Variants in PSD3 observed in about 807,000 individuals in gnomAD.
PSD3 encodes the protein pleckstrin and Sec7 domain containing 3.
In PSD3, 49 loss-of-function variants were observed where a neutral mutation model predicts 105.5. That is an observed-to-expected ratio of 0.46 (90% CI 0.37 to 0.59). The LOEUF (loss-of-function observed/expected upper bound fraction) is 0.59. Ranked by LOEUF, PSD3 falls within the 20% of genes least tolerant of loss-of-function variation. The pLI is 0.00. For missense variants in PSD3, 1,561 were observed against 1,263.8 expected (o/e 1.24, Z -3.57); for synonymous variants, 557 against 457.8 (o/e 1.22, Z -2.77).
chr8:18,715,247 ACCTGCACAT>A lies in PSD3; in HGVS notation c.2172+50193_2172+50201del, dbSNP rs1802510007. On this transcript the variant is annotated intron_variant, in intron 9 of 15. Transcript: ENST00000327040. ...TGGCACACGTTTACCCATGTAACAA[ACCTGCACAT>A]CCTGCACATGTAAAATTAAAAGAAA... 2.0e-5 allele frequency among the ~76,000 whole-genome samples: 3 copies of A among 152,182 alleles called. No homozygotes were observed. The South Asian group carries it at 6.2e-4, about 32-fold the overall frequency.
chr8:18,964,652 C>T (rs1356860670), intron 1 of PSD3, among the ~76,000 whole-genome samples: 2 of 152,124 alleles, frequency 1.3e-5, no homozygotes, highest in Admixed American at 1.3e-4. Flanking sequence ...ATCTCCAAAG[C>T]TGCTGGAATG....
chr8:18,978,844 T>C (rs1255804417), intron 1 of PSD3, among the ~76,000 whole-genome samples: 1 of 152,048 alleles, frequency 6.6e-6, no homozygotes, highest in Non-Finnish European at 1.5e-5. Flanking sequence ...TCAACCTCTC[T>C]CCCTTCCTCT....
chr8:18,857,927 A>G (rs1816147651), intron 4 of PSD3, among the ~76,000 whole-genome samples: 1 of 152,222 alleles, frequency 6.6e-6, no homozygotes, highest in African/African-American at 2.4e-5. Context: ...CATAAGAAAC[A>G]GCATATGAGG....
chr8:18,861,556 C>T (rs372471770), intron 4 of PSD3, among the ~76,000 whole-genome samples: 8 of 152,290 alleles, frequency 5.3e-5, no homozygotes, highest in African/African-American at 1.9e-4. Flanking sequence ...TACCAACCTG[C>T]TGCTTCCCCC....
Position 18,541,157 on chromosome 8 carries a change from GAAA to G in PSD3, c.2929-5202_2929-5200del, listed in dbSNP as rs5889803. The stretch of plus-strand genomic sequence containing the variant: ...CATCTGTCAGCCTTATATTTTACTT[GAAA>G]AAAAAAAAAAAACCTTTTGATTTCC... On this transcript the variant is annotated intron_variant, in intron 15 of 15. Coordinates refer to ENST00000327040, the MANE Select transcript of PSD3 (RefSeq NM_015310.4). Among the ~76,000 whole-genome samples the G allele has an allele frequency of 9.2e-4, 128 of 139,450 alleles. No homozygotes were observed. The South Asian group carries it at 0.011, about 12-fold the overall frequency. The allele number at this position is 139,450 out of a possible 152,430, so 91.5% of individuals were successfully genotyped here.
chr8:18,884,607 G>A (rs921275917), intron 2 of PSD3, among the ~76,000 whole-genome samples: 3 of 150,020 alleles, frequency 2.0e-5, no homozygotes, highest in African/African-American at 7.5e-5. Context: ...TATTTAAGTT[G>A]TTTATGTGTT....
At chr8:18,561,629 A>T (rs1331931264) in intron 14 of PSD3, among the ~76,000 whole-genome samples, 2 of 152,250 alleles carry the variant, frequency 1.3e-5, no homozygotes, top group Non-Finnish European at 2.9e-5. Flanking sequence ...AAAAATTGAT[A>T]TAGCAAAACA....
At chr8:18,908,679 T>C (rs996242629) in intron 2 of PSD3, among the ~76,000 whole-genome samples, 1 of 152,362 alleles carries the variant, frequency 6.6e-6, no homozygotes, top group East Asian at 1.9e-4. Flanking sequence ...ATGAGATTCG[T>C]ACCAATCATT....
At chr8:18,562,529 T>C (rs1236250842) in intron 14 of PSD3, among the ~76,000 whole-genome samples, 1 of 152,194 alleles carries the variant, frequency 6.6e-6, no homozygotes, top group Non-Finnish European at 1.5e-5. Context: ...GGGTCTCCTC[T>C]GCTATAGCTC....
intron 14 of PSD3, among the ~76,000 whole-genome samples, chr8:18,562,761 C>T (rs553788429): frequency 7.2e-5 from 11 of 152,170 alleles, no homozygotes; most frequent in South Asian, 2.1e-4. Flanking sequence ...TGGTGGCATG[C>T]GCCTTTAATT....
chr8:18,969,928 T>G (rs1824525634), intron 1 of PSD3, among the ~76,000 whole-genome samples: 1 of 152,120 alleles, frequency 6.6e-6, no homozygotes, highest in Non-Finnish European at 1.5e-5. Context: ...ACCTATAGCT[T>G]TAAGAATTTT....
chr8:18,941,722 G>C (rs2129469440), intron 1 of PSD3, among the ~76,000 whole-genome samples: 1 of 144,672 alleles, frequency 6.9e-6, no homozygotes, highest in Admixed American at 7.0e-5. Flanking sequence ...ACCCAGGCTG[G>C]AGTGCAATGG....
chr8:18,704,436 C>T (rs1801771448), intron 9 of PSD3, among the ~76,000 whole-genome samples: 1 of 152,122 alleles, frequency 6.6e-6, no homozygotes, highest in Non-Finnish European at 1.5e-5. Context: ...CTCCTGGGTT[C>T]AAGTGATTCT....
intron 4 of PSD3, among the ~76,000 whole-genome samples, chr8:18,813,042 C>CCTTG (rs1563301730): frequency 1.3e-5 from 2 of 152,104 alleles, no homozygotes; most frequent in African/African-American, 4.8e-5. Context: ...CAGAATAGTA[C>CCTTG]AGTCAAGAGA....
chr8:18,683,223 T>C (rs1800481834), intron 9 of PSD3, among the ~76,000 whole-genome samples: 1 of 152,152 alleles, frequency 6.6e-6, no homozygotes. Flanking sequence ...GTAAGGAACA[T>C]GAAAGAAGAA....
chr8:18,594,672 CT>C (rs1226952513), intron 12 of PSD3, among the ~76,000 whole-genome samples: 11 of 151,178 alleles, frequency 7.3e-5, no homozygotes, highest in South Asian at 2.1e-4. Context: ...TCTAGGACCC[CT>C]GATGGACACC....
chr8:18,693,113 T>C (rs983222525), intron 9 of PSD3, among the ~76,000 whole-genome samples: 1 of 152,176 alleles, frequency 6.6e-6, no homozygotes, highest in Admixed American at 6.5e-5. Flanking sequence ...CACCACAAAA[T>C]TTGGAGAAGA....
intron 11 of PSD3, among the ~76,000 whole-genome samples, chr8:18,619,860 C>T (rs1805975728): frequency 6.6e-6 from 1 of 152,172 alleles, no homozygotes; most frequent in African/African-American, 2.4e-5. Context: ...TTTGAAATGA[C>T]CCTCCAAAGC....
At chr8:18,828,067 A>ATATATATATATATATATTT (rs371473289) in intron 4 of PSD3, among the ~76,000 whole-genome samples, 3 of 118,896 alleles carry the variant, frequency 2.5e-5, no homozygotes, top group African/African-American at 1.1e-4. Context: ...ATATATATAT[A>ATATATATATATATATATTT]TTTTTTTTTT....
Sources: allele counts gnomAD v4.1 joint callset (sites outside exome capture counted in the v4.1 genomes callset), GRCh38; gene constraint gnomAD v4.1.1; transcripts MANE v1.5; gene names NCBI Gene and HGNC (gene_info 2026-07-23, HGNC 2026-07-21).